Variants in ADCY8 observed in about 807,000 individuals in gnomAD.
The protein encoded by ADCY8 is adenylate cyclase type 8.
In ADCY8, 51 loss-of-function variants were observed where a neutral mutation model predicts 119.7. The ratio of observed to expected loss-of-function variants is 0.43; its 90% CI spans 0.34 to 0.54. The LOEUF is 0.54. Among genes scored for constraint, ADCY8 ranks in the 20% least tolerant of loss-of-function variants. The probability of loss-of-function intolerance (pLI) is 0.03; values close to 1 mark genes in which losing one functional copy is unlikely to be tolerated. For synonymous variants in ADCY8, 665 were observed against 651.0 expected, an observed-to-expected ratio of 1.02 and a Z score of -0.33; for missense variants, 1,383 against 1,598.8, an observed-to-expected ratio of 0.87 and a Z score of 2.30.
chr8:130,814,316 T>A, intron 13 of ADCY8, 89 bp from the exon 14 acceptor site: 1 of 1,356,688 alleles, frequency 7.4e-7, no homozygotes, highest in Non-Finnish European at 1.0e-6. Flanking sequence ...AGGAAAGGCT[T>A]CTCTGGAACT....
intron 11 of ADCY8, among the ~76,000 whole-genome samples, chr8:130,845,464 T>C (rs147950778): frequency 8.6e-4 from 131 of 152,296 alleles, no homozygotes; most frequent in Admixed American, 7.3e-3. Flanking sequence ...TAAGAACTGA[T>C]TCAAGGTTCC....
At chr8:131,032,700 T>C (rs562866530) in intron 1 of ADCY8, among the ~76,000 whole-genome samples, 2 of 152,278 alleles carry the variant, frequency 1.3e-5, no homozygotes, top group South Asian at 4.1e-4. Context: ...AAATCTGGCT[T>C]CCGAAGCACT....
chr8:130,943,970 C>T (rs1821034439), intron 3 of ADCY8, among the ~76,000 whole-genome samples: 2 of 152,112 alleles, frequency 1.3e-5, no homozygotes, highest in Admixed American at 1.3e-4. Flanking sequence ...CAATAGGTGG[C>T]AAATCTGGGA....
At chr8:130,936,975 C>T in intron 5 of ADCY8, 98 bp downstream of exon 5, 1 of 1,404,478 alleles carries the variant, frequency 7.1e-7, no homozygotes. Context: ...AAGGTTCTGC[C>T]TTTCACCATA....
At chr8:130,987,753 A>G (rs1234594899) in intron 2 of ADCY8, among the ~76,000 whole-genome samples, 5 of 152,294 alleles carry the variant, frequency 3.3e-5, no homozygotes, top group East Asian at 1.9e-4. Context: ...TTTGTCAATG[A>G]CACATGATAT....
At chr8:130,981,645 T>C (rs1822243925) in intron 2 of ADCY8, among the ~76,000 whole-genome samples, 1 of 152,186 alleles carries the variant, frequency 6.6e-6, no homozygotes, top group Non-Finnish European at 1.5e-5. Context: ...AGTATGCAAA[T>C]TATAATTGCA....
intron 5 of ADCY8, among the ~76,000 whole-genome samples, chr8:130,914,136 G>C (rs74829867): frequency 0.022 from 3,303 of 152,208 alleles, 77 homozygotes; most frequent in South Asian, 0.08. Context: ...GACTAAACTG[G>C]TACTGTTGTG....
At chr8:130,909,469 G>A (rs1339662903) in intron 6 of ADCY8, among the ~76,000 whole-genome samples, 1 of 152,194 alleles carries the variant, frequency 6.6e-6, no homozygotes, top group East Asian at 1.9e-4. Context: ...CAAGTCTAAG[G>A]ACCAATGCTG....
chr8:130,839,150 A>T (rs1817070270), intron 11 of ADCY8, among the ~76,000 whole-genome samples: 1 of 139,508 alleles, frequency 7.2e-6, no homozygotes, highest in African/African-American at 2.5e-5. Context: ...TAGTAACACA[A>T]GCAGAAGAAA....
intron 5 of ADCY8, among the ~76,000 whole-genome samples, chr8:130,910,268 C>T (rs545102633): frequency 1.2e-4 from 18 of 152,286 alleles, no homozygotes; most frequent in Non-Finnish European, 2.6e-4. Context: ...CCAAAACCTG[C>T]TCTGTAACCT....
At chr8:130,847,972 T>A (rs1817385026) in intron 10 of ADCY8, among the ~76,000 whole-genome samples, 1 of 152,162 alleles carries the variant, frequency 6.6e-6, no homozygotes, top group Non-Finnish European at 1.5e-5. Flanking sequence ...AGGACAGAAG[T>A]TGCTGCAGGA....
At chr8:130,989,278 C>T (rs1249399015) in intron 2 of ADCY8, among the ~76,000 whole-genome samples, 1 of 152,142 alleles carries the variant, frequency 6.6e-6, no homozygotes. Flanking sequence ...GAGTTCAGTC[C>T]TGTCAGGTAG....
intron 1 of ADCY8, among the ~76,000 whole-genome samples, chr8:131,003,032 C>T (rs1823000459): frequency 6.6e-6 from 1 of 152,056 alleles, no homozygotes. Flanking sequence ...AAAACCCCAT[C>T]TCTACTAAAA....
At chr8:130,907,958 T>C (rs901152723) in intron 6 of ADCY8, among the ~76,000 whole-genome samples, 1 of 152,166 alleles carries the variant, frequency 6.6e-6, no homozygotes, top group East Asian at 1.9e-4. Flanking sequence ...ATGTACTCAA[T>C]GTTTAGCTCC....
chr8:130,984,310 G>A (rs539741203), intron 2 of ADCY8, among the ~76,000 whole-genome samples: 1 of 152,250 alleles, frequency 6.6e-6, no homozygotes, highest in Non-Finnish European at 1.5e-5. Context: ...AGAAAGGTCT[G>A]GAGAATGTAT....
At chr8:130,846,891 CCTTCCTTCCTTCCTTCCTT>C (rs1563689860) in intron 11 of ADCY8, among the ~76,000 whole-genome samples, 4 of 53,710 alleles carry the variant, frequency 7.4e-5, no homozygotes, top group East Asian at 6.0e-4. Context: ...CCTTCCCTTT[CCTTCCTTCCTTCCTTCCTT>C]CCTTCCTTCC....
At chr8:130,803,975 G>A (rs1048245974) in intron 14 of ADCY8, among the ~76,000 whole-genome samples, 2 of 152,202 alleles carry the variant, frequency 1.3e-5, no homozygotes, top group Non-Finnish European at 2.9e-5. Context: ...TAGCAGTCAG[G>A]GAGCAGAGCA....
At chr8:130,904,236 T>G (rs192860134) in intron 6 of ADCY8, among the ~76,000 whole-genome samples, 194 bp from the exon 7 acceptor site, 1 of 152,222 alleles carries the variant, frequency 6.6e-6, no homozygotes, top group Non-Finnish European at 1.5e-5. Flanking sequence ...GAGCACAGTA[T>G]CACGGACATC....
chr8:130,905,764 G>A (rs1177037196), intron 6 of ADCY8, among the ~76,000 whole-genome samples: 1 of 152,170 alleles, frequency 6.6e-6, no homozygotes, highest in Non-Finnish European at 1.5e-5. Context: ...AGAGGCTGAG[G>A]TGGGAAGATC....
Sources: allele counts gnomAD v4.1 joint callset (sites outside exome capture counted in the v4.1 genomes callset), GRCh38; gene constraint gnomAD v4.1.1; transcripts MANE v1.5; gene names NCBI Gene and HGNC (gene_info 2026-07-23, HGNC 2026-07-21).